Variants in ITGBL1 observed in about 807,000 individuals in gnomAD.
ITGBL1 encodes the protein integrin beta-like protein 1.
In ITGBL1, 51 loss-of-function variants were observed where a neutral mutation model predicts 68.5. The observed-to-expected ratio is 0.74, with a 90% CI of 0.59 to 0.94. ITGBL1 has a LOEUF of 0.94. ITGBL1 is among the 40% of genes least tolerant of loss of function. ITGBL1 has a pLI of 0.00. For missense variants in ITGBL1, 649 were observed against 647.4 expected (o/e 1.00, Z -0.03); for synonymous variants, 209 against 227.3 (o/e 0.92, Z 0.72).
At chr13:101,693,668 T>C (rs188727030) in intron 8 of ITGBL1, among the ~76,000 whole-genome samples, 4 of 134,454 alleles carry the variant, frequency 3.0e-5, no homozygotes, top group Admixed American at 2.3e-4. Context: ...CTATCTATCA[T>C]CTATTATCTG....
intron 6 of ITGBL1, among the ~76,000 whole-genome samples, chr13:101,595,537 C>T (rs895346459): frequency 3.3e-5 from 5 of 151,990 alleles, no homozygotes; most frequent in Non-Finnish European, 5.9e-5. Flanking sequence ...AAAAAATGGG[C>T]AAATGACCTG....
At chr13:101,694,960 G>A (rs1245992977) in intron 8 of ITGBL1, among the ~76,000 whole-genome samples, 1 of 152,126 alleles carries the variant, frequency 6.6e-6, no homozygotes, top group Non-Finnish European at 1.5e-5. Flanking sequence ...TTCATTGAGT[G>A]TCTACTATTT....
intron 7 of ITGBL1, among the ~76,000 whole-genome samples, chr13:101,610,205 A>G (rs2031057285): frequency 6.6e-6 from 1 of 152,302 alleles, no homozygotes; most frequent in African/African-American, 2.4e-5. Flanking sequence ...ACCTGATTTC[A>G]TTCAATATAA....
chr13:101,522,391 T>C (rs891606264), intron 2 of ITGBL1, among the ~76,000 whole-genome samples: 6 of 152,196 alleles, frequency 3.9e-5, no homozygotes, highest in South Asian at 2.1e-4. Context: ...CCTCCCTCCA[T>C]TGGGCCAGCC....
chr13:101,632,618 CAAT>C (rs2032024010), intron 7 of ITGBL1, among the ~76,000 whole-genome samples: 1 of 152,020 alleles, frequency 6.6e-6, no homozygotes, highest in African/African-American at 2.4e-5. Context: ...GAATATTACT[CAAT>C]AATAAAGAGG....
rs531958401 is a variant in ITGBL1, at chr13:101,531,582, C to A, written c.317-36117C>A. ...GGTAGTTGGTTTCTGGAACACGCTA[C>A]ACCCGATTACTTCATAGCGTATTTT... On this transcript the variant is annotated intron_variant, in intron 2 of 10. Coordinates refer to ENST00000376180, the MANE Select transcript of ITGBL1 (RefSeq NM_004791.3). Among the ~76,000 whole-genome samples the A allele has an allele frequency of 6.2e-5, 9 of 144,640 alleles. No individual in the cohort carries two copies. In the East Asian group the frequency reaches 1.6e-3, roughly 26 times the overall value. The allele number at this position is 144,640 out of a possible 152,430, so 94.9% of individuals were successfully genotyped here.
intron 2 of ITGBL1, among the ~76,000 whole-genome samples, chr13:101,549,848 A>C (rs1566727567): frequency 6.6e-6 from 1 of 152,116 alleles, no homozygotes. Context: ...CTTTGAAAAC[A>C]AATCTGGCTA....
intron 9 of ITGBL1, 129 bp from the exon 10 acceptor site, chr13:101,714,309 A>C (rs1400868308): frequency 2.9e-6 from 2 of 678,554 alleles, no homozygotes; most frequent in Admixed American, 2.4e-5. Flanking sequence ...GAAACCAGCC[A>C]TTCAATACAC....
intron 7 of ITGBL1, among the ~76,000 whole-genome samples, chr13:101,672,499 C>A (rs191584895): frequency 6.6e-6 from 1 of 152,168 alleles, no homozygotes; most frequent in Non-Finnish European, 1.5e-5. Flanking sequence ...GCCAGCCACA[C>A]GTACAGTAAG....
At chr13:101,653,869 TG>T (rs57581662) in intron 7 of ITGBL1, among the ~76,000 whole-genome samples, 14,184 of 80,964 alleles carry the variant, frequency 0.18, 1,353 homozygotes, top group Non-Finnish European at 0.23. Context: ...TTTTGTTTTT[TG>T]TTTTTTTTTT....
At chr13:101,573,925 G>A (rs1357137237) in intron 3 of ITGBL1, among the ~76,000 whole-genome samples, 1 of 152,108 alleles carries the variant, frequency 6.6e-6, no homozygotes, top group Non-Finnish European at 1.5e-5. Context: ...ATCCCCAGAT[G>A]TATTTGTTCC....
At chr13:101,485,543 G>A (rs1436538100) in intron 2 of ITGBL1, among the ~76,000 whole-genome samples, 4 of 152,136 alleles carry the variant, frequency 2.6e-5, no homozygotes, top group African/African-American at 7.2e-5. Flanking sequence ...GGTGGTTCAC[G>A]TCGGTAATCT....
chr13:101,697,930 C>G (rs1383240257), intron 8 of ITGBL1, among the ~76,000 whole-genome samples: 3 of 152,198 alleles, frequency 2.0e-5, no homozygotes, highest in Non-Finnish European at 4.4e-5. Context: ...TGGACTCACA[C>G]AAATCAGCAG....
chr13:101,610,319 T>A (rs904943772), intron 7 of ITGBL1, among the ~76,000 whole-genome samples: 1 of 152,102 alleles, frequency 6.6e-6, no homozygotes, highest in Non-Finnish European at 1.5e-5. Context: ...AGAAAACCAA[T>A]GAGGCACAGT....
intron 2 of ITGBL1, among the ~76,000 whole-genome samples, chr13:101,564,633 G>A (rs372444847): frequency 1.6e-5 from 2 of 126,012 alleles, no homozygotes; most frequent in Admixed American, 8.2e-5. Context: ...ATATATATAT[G>A]TTTTTATATA....
chr13:101,639,067 T>C (rs1266142449), intron 7 of ITGBL1, among the ~76,000 whole-genome samples: 1 of 152,204 alleles, frequency 6.6e-6, no homozygotes, highest in Non-Finnish European at 1.5e-5. Context: ...TATGGTTTTC[T>C]CTCAGAAACG....
intron 2 of ITGBL1, among the ~76,000 whole-genome samples, chr13:101,516,974 C>A (rs1594859780): frequency 6.6e-6 from 1 of 152,120 alleles, no homozygotes; most frequent in East Asian, 1.9e-4. Context: ...GGCTTAAAAG[C>A]TTCTCCTGAC....
At position 101,671,001 on chromosome 13, in the gene ITGBL1, CATT is replaced by C. The variant is rs199614109; in HGVS notation, c.1016-21578_1016-21576del. On this transcript the variant is annotated intron_variant, in intron 7 of 10. Transcript: ENST00000376180. ...AACCGAATTTCTTCATCAATTTTGTCATTATTATAATGAACCCTGCAGAGTTCA... is the reference window on the plus strand; with the variant it reads ...AACCGAATTTCTTCATCAATTTTGTCATTATAATGAACCCTGCAGAGTTCA... Among the ~76,000 whole-genome samples the C allele has an allele frequency of 6.4e-3, 977 of 152,196 alleles. 25 individuals carry two copies. Among genetic ancestry groups the C allele is most frequent in the East Asian group, 0.064 (329 of 5,176 alleles).
At chr13:101,519,680 C>A (rs2049253370) in intron 2 of ITGBL1, among the ~76,000 whole-genome samples, 1 of 152,072 alleles carries the variant, frequency 6.6e-6, no homozygotes, top group South Asian at 2.1e-4. Flanking sequence ...CTACTTATAT[C>A]ATTATTTTTA....
Sources: gnomAD v4.1 joint callset for allele counts (sites outside exome capture counted in the v4.1 genomes callset) on GRCh38, gnomAD v4.1.1 for gene constraint, MANE v1.5 for transcripts, NCBI Gene and HGNC (gene_info 2026-07-23, HGNC 2026-07-21) for gene names.